Variants in CELF2 observed in about 807,000 individuals in gnomAD.
CELF2 encodes the protein CUGBP Elav-like family member 2, also known as CUG triplet repeat RNA-binding protein 2.
Under a neutral mutation model 62.6 loss-of-function variants are expected in CELF2, and 8 were observed. The observed-to-expected ratio is 0.13, with a 90% CI of 0.07 to 0.23. The LOEUF (loss-of-function observed/expected upper bound fraction) is 0.23. Ranked by LOEUF, CELF2 falls within the 10% of genes least tolerant of loss-of-function variation. The pLI is 1.00. For missense variants in CELF2, 333 were observed against 671.0 expected, an observed-to-expected ratio of 0.50 and a Z score of 5.56; for synonymous variants, 258 against 250.0, an observed-to-expected ratio of 1.03 and a Z score of -0.30.
the CELF2 span, among the ~76,000 whole-genome samples, chr10:10,466,843 A>C: frequency 1.3e-4 from 20 of 152,176 alleles, no homozygotes; most frequent in East Asian, 3.3e-3. Flanking sequence ...GGCTTATGGT[A>C]AAGTATCTGT....
chr10:10,868,431 A>G (rs984906288), intron 1 of CELF2, among the ~76,000 whole-genome samples: 3 of 152,250 alleles, frequency 2.0e-5, no homozygotes, highest in African/African-American at 7.2e-5. Context: ...AAGAGGCAGG[A>G]AGAAGCTTCC....
At chr10:11,103,743 G>C (rs2052560065) in intron 1 of CELF2, among the ~76,000 whole-genome samples, 1 of 152,044 alleles carries the variant, frequency 6.6e-6, no homozygotes. Context: ...TCTGATTACT[G>C]GTTCGTAGTA....
the CELF2 span, among the ~76,000 whole-genome samples, chr10:10,734,271 A>G: frequency 9.1e-3 from 1,381 of 152,340 alleles, 24 homozygotes; most frequent in African/African-American, 0.032. Context: ...GTAATAGCAC[A>G]TATATTGAGG....
the CELF2 span, among the ~76,000 whole-genome samples, chr10:10,782,514 C>G: frequency 6.6e-6 from 1 of 152,174 alleles, no homozygotes; most frequent in Admixed American, 6.6e-5. Context: ...AAATGCTAAG[C>G]TCATCTGGAA....
chr10:11,210,530 G>A (rs1051479038), intron 2 of CELF2, among the ~76,000 whole-genome samples: 1 of 152,198 alleles, frequency 6.6e-6, no homozygotes, highest in Admixed American at 6.5e-5. Flanking sequence ...TCCAGAAAAT[G>A]CTCCACAGTT....
rs778369399 is a variant in CELF2 at position 11,318,638 on chromosome 10, T to C, written c.1097-2551T>C. ...AAGCCTCACAATACCCTCTGAAACA[T>C]CCATCCAGTATTTCAAGAGCAGGAG... is the stretch of plus-strand genomic sequence containing the variant. On this transcript the variant is annotated intron_variant, in intron 10 of 12. Coordinates refer to ENST00000633077, the MANE Select transcript of CELF2 (RefSeq NM_001326342.2). The surrounding 1 kb of genome is among the most constrained non-coding windows in gnomAD (Gnocchi z 5.4). The C allele has an allele frequency of 1.3e-5, 5 of 391,044 alleles. No individual in the cohort carries two copies. The highest frequency in any genetic ancestry group is 2.6e-5 in the Non-Finnish European group (5 of 190,158). The allele number at this position is 391,044 out of a possible 1,614,324, so 24.2% of individuals were successfully genotyped here.
At chr10:11,072,382 G>A (rs2070369764) in intron 1 of CELF2, among the ~76,000 whole-genome samples, 1 of 152,162 alleles carries the variant, frequency 6.6e-6, no homozygotes, top group Admixed American at 6.5e-5. Context: ...ATGTTTAATT[G>A]TATTTTACCC....
At chr10:11,197,074 A>AGAAAAGAAAGAAAG (rs2058122101) in intron 2 of CELF2, among the ~76,000 whole-genome samples, 1 of 141,578 alleles carries the variant, frequency 7.1e-6, no homozygotes, top group South Asian at 2.2e-4. Flanking sequence ...AAGAAAGGAA[A>AGAAAAGAAAGAAAG]GAAAGAAAGA....
At chr10:10,783,059 T>C in the CELF2 span, among the ~76,000 whole-genome samples, 2 of 152,196 alleles carry the variant, frequency 1.3e-5, no homozygotes, top group South Asian at 4.1e-4. Flanking sequence ...ATGTATCTCT[T>C]TTTTCAGAAA....
chr10:10,857,649 G>GTATATAGATA (rs2059805127), intron 1 of CELF2, among the ~76,000 whole-genome samples: 1 of 94,258 alleles, frequency 1.1e-5, no homozygotes, highest in Admixed American at 1.3e-4. Context: ...CATATATATA[G>GTATATAGATA]TATATATATA....
intron 1 of CELF2, among the ~76,000 whole-genome samples, chr10:11,118,894 G>A (rs1017130565): frequency 3.3e-5 from 5 of 152,118 alleles, no homozygotes; most frequent in African/African-American, 7.2e-5. Context: ...ATGACCTTTC[G>A]CAAGTCACTT....
the CELF2 span, among the ~76,000 whole-genome samples, chr10:10,508,015 T>G: frequency 1.3e-5 from 2 of 152,156 alleles, no homozygotes; most frequent in Non-Finnish European, 2.9e-5. Flanking sequence ...TTATTTTCTG[T>G]GTGCTACATA....
intron 9 of CELF2, among the ~76,000 whole-genome samples, chr10:11,294,366 G>A (rs1343426574): frequency 1.3e-5 from 2 of 152,164 alleles, no homozygotes; most frequent in Admixed American, 1.3e-4. Context: ...GCTTTTTAGA[G>A]TATTTTTTAC....
intron 11 of CELF2, among the ~76,000 whole-genome samples, chr10:11,322,960 A>G (rs777813778): frequency 6.6e-6 from 1 of 152,096 alleles, no homozygotes; most frequent in Non-Finnish European, 1.5e-5. Flanking sequence ...TGATATCATC[A>G]CACAGAGGCC....
Position 11,318,920 on chromosome 10 carries a change from C to T in CELF2, c.1097-2269C>T. ...CATGACAGGGCCTGAAAACTCCCAC[C>T]CGCAGCAGACAAGGCATCATGGTGG... On this transcript the variant is annotated intron_variant, in intron 10 of 12. Coordinates refer to ENST00000633077, the MANE Select transcript of CELF2 (RefSeq NM_001326342.2). This position sits in a 1 kb window ranked among gnomAD's most constrained non-coding sequence, Gnocchi z 5.4. 4.2e-6 allele frequency: 2 copies of T among 471,166 alleles called. No individual in the cohort carries two copies. The highest frequency in any genetic ancestry group is 3.1e-5 in the South Asian group (2 of 64,564). The allele number at this position is 471,166 out of a possible 1,614,324, so 29.2% of individuals were successfully genotyped here. A position where few individuals can be genotyped will look rare whatever the true frequency, so the allele number is the denominator to read the frequency against.
At position 11,140,079 on chromosome 10, in the gene CELF2, T is replaced by C. The variant is rs151283025; in HGVS notation, c.75-25407T>C. Among the ~76,000 whole-genome samples, 345 of 152,332 alleles carry C rather than the reference T, an allele frequency of 2.3e-3. 1 individual carries two copies. The highest frequency in any genetic ancestry group is 7.9e-3 in the African/African-American group (328 of 41,574). ...TTGAGAGATGGTGAGCCAACTTTTA[T>C]CTTTTGAGAAACTGCCTCTGCTCAA... On this transcript the variant is annotated intron_variant, in intron 1 of 12. Coordinates refer to ENST00000633077, the MANE Select transcript of CELF2 (RefSeq NM_001326342.2).
rs1249542843 is a variant in CELF2 at position 11,223,459 on chromosome 10, C to G, written c.354+5952C>G. ...CAGATGTACATTTGCAGAATTTGGC[C>G]TGGGCTGAGAAATTCGCCCTCATGG... On this transcript the variant is annotated intron_variant, in intron 3 of 12. Coordinates refer to ENST00000633077, the MANE Select transcript of CELF2 (RefSeq NM_001326342.2). This position sits in a 1 kb window ranked among gnomAD's most constrained non-coding sequence, Gnocchi z 5.1. Among the ~76,000 whole-genome samples, 1 of 152,232 alleles carries G rather than the reference C, an allele frequency of 6.6e-6. No homozygotes were observed. Among genetic ancestry groups the G allele is most frequent in the Non-Finnish European group, 1.5e-5 (1 of 68,042 alleles).
At chr10:11,158,791 C>T (rs1293561369) in intron 1 of CELF2, among the ~76,000 whole-genome samples, 3 of 152,316 alleles carry the variant, frequency 2.0e-5, no homozygotes, top group Non-Finnish European at 4.4e-5. Flanking sequence ...AGACCCCCAA[C>T]CGAACACAGT....
At chr10:11,121,997 C>T (rs1365966688) in intron 1 of CELF2, among the ~76,000 whole-genome samples, 2 of 152,180 alleles carry the variant, frequency 1.3e-5, no homozygotes, top group African/African-American at 2.4e-5. Flanking sequence ...AGCATGATGG[C>T]AGATTATGAG....
Sources: allele counts gnomAD v4.1 joint callset (sites outside exome capture counted in the v4.1 genomes callset), GRCh38; gene constraint gnomAD v4.1.1; non-coding constraint Gnocchi (gnomAD v3.1); transcripts MANE v1.5; gene names NCBI Gene and HGNC (gene_info 2026-07-23, HGNC 2026-07-21).